Variants in CCDC124 observed in about 807,000 individuals in gnomAD.
CCDC124 encodes the protein coiled-coil domain containing 124, also known as coiled-coil domain-containing protein 124.
A neutral mutation model predicts 19.8 loss-of-function variants in CCDC124; 9 were observed. The ratio of observed to expected loss-of-function variants is 0.45; its 90% CI spans 0.27 to 0.79. The LOEUF is 0.79. CCDC124 is among the 30% of genes least tolerant of loss of function. CCDC124 has a pLI of 0.14. For synonymous variants in CCDC124, 126 were observed against 131.3 expected, an observed-to-expected ratio of 0.96 and a Z score of 0.27; for missense variants, 285 against 319.0, an observed-to-expected ratio of 0.89 and a Z score of 0.81.
intron 3 of CCDC124, 27 bp from the exon 4 acceptor site, chr19:17,943,234 G>C (rs1364460503): frequency 1.3e-6 from 1 of 760,874 alleles, no homozygotes; most frequent in Non-Finnish European, 2.3e-6. Flanking sequence ...ATCTCTCTCT[G>C]TCTCTGTCAC....
intron 2 of CCDC124, 68 bp downstream of exon 2, chr19:17,936,647 G>A (rs779241492): frequency 1.3e-6 from 2 of 1,541,912 alleles, no homozygotes; most frequent in Admixed American, 1.9e-5. Flanking sequence ...TTATGTCAAT[G>A]TGGGTGAATA....
rs1355293703 is a variant in CCDC124 at position 17,942,209 on chromosome 19, A to C, written c.160-447A>C. The stretch of plus-strand genomic sequence containing the variant: ...GTCCAGGCCTCCCACGGCTCTTAGA[A>C]TCCAACATGAACCCCTCCCTGGCCC... On this transcript the variant is annotated intron_variant, in intron 2 of 4. Coordinates refer to ENST00000445755, the MANE Select transcript of CCDC124 (RefSeq NM_001136203.2). The surrounding 1 kb of genome is among the most constrained non-coding windows in gnomAD (Gnocchi z 4.2). Among the ~76,000 whole-genome samples, 2 of 152,030 alleles carry C rather than the reference A, an allele frequency of 1.3e-5. No individual in the cohort carries two copies. Among genetic ancestry groups the C allele is most frequent in the Non-Finnish European group, 2.9e-5 (2 of 67,982 alleles).
In CCDC124 at chr19:17,943,599, C is replaced by G; in HGVS notation, c.556C>G (p.Gln186Glu). 8.1e-6 allele frequency: 13 copies of G among 1,613,008 alleles called. No individual in the cohort carries two copies. The highest frequency in any genetic ancestry group is 1.1e-5 in the South Asian group (1 of 91,084). Residue 186 changes from glutamine to glutamate, a missense_variant, in exon 5 of 5, where the codon CAA becomes GAA. Gln to Glu is a conservative substitution (Grantham distance 29). Transcript: ENST00000445755. ...FEEAQLPRLK[Q>E]ENPNMRLSQL... Reference sequence around the variant, plus strand: ...GGAAGCCCAGCTGCCGCGGCTCAAACAAGAGAACCCCAACATGCGGCTGTC... The same window carrying G: ...GGAAGCCCAGCTGCCGCGGCTCAAAGAAGAGAACCCCAACATGCGGCTGTC...
chr19:17,938,309 C>T (rs2031105488), intron 2 of CCDC124, among the ~76,000 whole-genome samples: 1 of 152,190 alleles, frequency 6.6e-6, no homozygotes, highest in African/African-American at 2.4e-5. Context: ...TACTGTACTC[C>T]AGCCTGGGCA....
intron 4 of CCDC124, 22 bp from the exon 5 acceptor site, chr19:17,943,484 CCT>C (rs1568439789): frequency 6.2e-7 from 1 of 1,604,536 alleles, no homozygotes; most frequent in African/African-American, 1.3e-5. Context: ...CCCAAGGCCC[CCT>C]GACGCTCATG....
rs772150119 is a variant in CCDC124 at position 17,943,663 on chromosome 19, C to T, written c.620C>T (p.Ser207Phe). 4.5e-5 allele frequency: 73 copies of T among 1,612,814 alleles called. No homozygotes were observed. Among genetic ancestry groups the T allele is most frequent in the Non-Finnish European group, 6.0e-5 (71 of 1,179,966 alleles). Residue 207 changes from serine (S) to phenylalanine (F), a missense_variant, in exon 5 of 5, where the codon TCT becomes TTT. Physicochemically the swap from Ser to Phe is radical, Grantham distance 155. Transcript: ENST00000445755. ...CTGCTCAAGAAGGAGTGGCTCCGCT[C>T]TCCTGACAACCCCATGAACCAGCGG... ...KQLLKKEWLR[S>F]PDNPMNQRAV... is the part of the protein sequence containing the mutation.
intron 1 of CCDC124, among the ~76,000 whole-genome samples, chr19:17,935,391 C>T (rs942852393): frequency 2.6e-5 from 4 of 151,570 alleles, no homozygotes; most frequent in Admixed American, 6.6e-5. Flanking sequence ...ATTTGCACAA[C>T]GCTGTGAATA....
At chr19:17,937,918 A>G (rs1449329005) in intron 2 of CCDC124, among the ~76,000 whole-genome samples, 1 of 152,040 alleles carries the variant, frequency 6.6e-6, no homozygotes, top group Non-Finnish European at 1.5e-5. Flanking sequence ...TTTTTAGTAG[A>G]GATGGGGTTT....
In CCDC124 at chr19:17,942,357, C is replaced by T. The variant is rs145784713; in HGVS notation, c.160-299C>T. Among the ~76,000 whole-genome samples the T allele has an allele frequency of 1.3e-5, 2 of 152,172 alleles. No individual in the cohort carries two copies. Among genetic ancestry groups the T allele is most frequent in the Non-Finnish European group, 2.9e-5 (2 of 68,026 alleles). Reference sequence around the variant, plus strand: ...TGGCTCCTGCCTCGGCGCCTTTGCACTGGTAGCCCTGCTGCTAAGGACGCT... The same window carrying T: ...TGGCTCCTGCCTCGGCGCCTTTGCATTGGTAGCCCTGCTGCTAAGGACGCT... On this transcript the variant is annotated intron_variant, in intron 2 of 4. Transcript: ENST00000445755. The surrounding 1 kb of genome is among the most constrained non-coding windows in gnomAD (Gnocchi z 4.2).
At chr19:17,936,306 A>G (rs2147778428) in intron 1 of CCDC124, 104 bp from the exon 2 acceptor site, 2 of 933,942 alleles carry the variant, frequency 2.1e-6, no homozygotes, top group South Asian at 3.5e-5. Flanking sequence ...AGAAGGCCAC[A>G]GAGGCCCCAA....
intron 1 of CCDC124, among the ~76,000 whole-genome samples, chr19:17,934,246 C>T (rs1461347136): frequency 3.3e-5 from 5 of 151,068 alleles, no homozygotes; most frequent in African/African-American, 9.9e-5. Context: ...ATTAGCCGGG[C>T]GTGGTGGCAG....
intron 2 of CCDC124, among the ~76,000 whole-genome samples, chr19:17,939,219 A>AC (rs2031122851): frequency 6.6e-6 from 1 of 152,094 alleles, no homozygotes; most frequent in South Asian, 2.1e-4. Context: ...ACATGGTGAA[A>AC]CCCCATCTCT....
rs1458445912 is a variant in CCDC124, at chr19:17,943,539, G to C, written c.496G>C (p.Glu166Gln). The change falls in exon 5 of 5, where the codon GAA (glutamate) becomes CAA (glutamine). Residue 166 changes from glutamate to glutamine, a missense_variant. Coordinates refer to ENST00000445755, the MANE Select transcript of CCDC124 (RefSeq NM_001136203.2). ...GGAGGAGGCGGCCGACCGGCACCCA[G>C]AAAGACGCATGCGGGCAGCCTTCAC... ...VAEEAADRHP[E>Q]RRMRAAFTAF... 6.2e-7 allele frequency: 1 copy of C among 1,612,422 alleles called. No homozygotes were observed. Among genetic ancestry groups the C allele is most frequent in the Non-Finnish European group, 8.5e-7 (1 of 1,179,864 alleles).
chr19:17,935,424 C>A (rs1173965262), intron 1 of CCDC124, among the ~76,000 whole-genome samples: 2 of 151,324 alleles, frequency 1.3e-5, no homozygotes, highest in Non-Finnish European at 2.9e-5. Flanking sequence ...GAATTGTACA[C>A]CTTTTTTTTT....
chr19:17,940,299 T>C (rs1017849097), intron 2 of CCDC124, among the ~76,000 whole-genome samples: 39 of 152,212 alleles, frequency 2.6e-4, no homozygotes, highest in African/African-American at 8.4e-4. Flanking sequence ...CACACCTGTA[T>C]TGCATGCATC....
chr19:17,942,518 A>C lies in CCDC124; in HGVS notation c.160-138A>C. ...CCCGCCCAGGGCAGCACCGGGACCT[A>C]TCTTGTTCCTGGTATGTCCCCTGCA... On this transcript the variant is annotated intron_variant, in intron 2 of 4. Coordinates refer to ENST00000445755, the MANE Select transcript of CCDC124 (RefSeq NM_001136203.2). This position sits in a 1 kb window ranked among gnomAD's most constrained non-coding sequence, Gnocchi z 4.2. The C allele has an allele frequency of 1.0e-6, 1 of 971,880 alleles. No individual in the cohort carries two copies. Among genetic ancestry groups the C allele is most frequent in the African/African-American group, 1.7e-5 (1 of 60,522 alleles). The allele number at this position is 971,880 out of a possible 1,614,324, so 60.2% of individuals were successfully genotyped here. A position where few individuals can be genotyped will look rare whatever the true frequency, so the allele number is the denominator to read the frequency against.
rs774230647 is a variant in CCDC124 at position 17,943,514 on chromosome 19, G to A, written c.471G>A (p.Ala157=). Residue 157 remains alanine (A), a synonymous_variant, in exon 5 of 5, where the codon GCG becomes GCA. Coordinates refer to ENST00000445755, the MANE Select transcript of CCDC124 (RefSeq NM_001136203.2). ...CGCTCATGTCCACCCCCAGCGTGGC[G>A]GAGGAGGCGGCCGACCGGCACCCAG... ...IEDAIAVLSV[A]EEAADRHPER... is the part of the protein sequence containing the mutation. 1.2e-6 allele frequency: 2 copies of A among 1,610,812 alleles called. No individual in the cohort carries two copies. Among genetic ancestry groups the A allele is most frequent in the Admixed American group, 1.7e-5 (1 of 59,952 alleles).
chr19:17,935,730 C>T (rs941379954), intron 1 of CCDC124, among the ~76,000 whole-genome samples: 4 of 151,638 alleles, frequency 2.6e-5, no homozygotes, highest in Admixed American at 2.0e-4. Context: ...TAAAGGTGTC[C>T]GCCACCACAC....
At chr19:17,936,157 G>A (rs908704232) in intron 1 of CCDC124, 10 of 349,622 alleles carry the variant, frequency 2.9e-5, no homozygotes, top group Non-Finnish European at 4.1e-5. Context: ...CGCCCGCCTC[G>A]GCCTCCCAAA....
Sources: gnomAD v4.1 joint callset for allele counts (sites outside exome capture counted in the v4.1 genomes callset) on GRCh38, gnomAD v4.1.1 for gene constraint, Gnocchi (gnomAD v3.1) non-coding constraint, MANE v1.5 for transcripts, NCBI Gene and HGNC (gene_info 2026-07-23, HGNC 2026-07-21) for gene names.